LRRC20: variants seen among roughly 807,000 people sequenced by gnomAD.
LRRC20 encodes leucine rich repeat containing 20.
LRRC20 carries 11 observed loss-of-function variants against 14.4 expected under a neutral mutation model. The ratio of observed to expected loss-of-function variants is 0.77; its 90% CI spans 0.48 to 1.27. The LOEUF is 1.27. Among genes scored for constraint, LRRC20 ranks in the 50% most tolerant of loss-of-function variants. The pLI, the probability that LRRC20 is intolerant of heterozygous loss-of-function variation, is 0.00. For missense variants in LRRC20, 219 were observed against 251.2 expected, an observed-to-expected ratio of 0.87 and a Z score of 0.87; for synonymous variants, 121 against 107.3, an observed-to-expected ratio of 1.13 and a Z score of -0.79.
chr10:70,338,115 G>A (rs1245289635), intron 3 of LRRC20, among the ~76,000 whole-genome samples: 2 of 152,196 alleles, frequency 1.3e-5, no homozygotes, highest in African/African-American at 4.8e-5. Context: ...TGTCCTCCAA[G>A]TCATAGGGAT....
chr10:70,381,188 C>G (rs1253244956), intron 1 of LRRC20, among the ~76,000 whole-genome samples: 2 of 152,192 alleles, frequency 1.3e-5, no homozygotes, highest in African/African-American at 4.8e-5. Context: ...ATGGAAATAC[C>G]ACCTTCCTCA....
At position 70,300,776 on chromosome 10, in the gene LRRC20, C is replaced by T. The variant is rs1398072345; in HGVS notation, c.*578G>A. The stretch of plus-strand genomic sequence containing the variant: ...GCCCATATTCCCACCACAGCTCTCC[C>T]AGGACTCCTAGTTCAGGTTCCCACC... On this transcript the variant is annotated 3_prime_UTR_variant, in exon 5 of 5. Coordinates refer to ENST00000446961, the MANE Select transcript of LRRC20 (RefSeq NM_001278212.2). 9 of 985,582 alleles carry T rather than the reference C, an allele frequency of 9.1e-6. No homozygotes were observed. Among genetic ancestry groups the T allele is most frequent in the Admixed American group, 6.1e-5 (1 of 16,280 alleles). 61.1% of individuals were successfully genotyped at this position (985,582 alleles called of 1,614,324 possible). A position where few individuals can be genotyped will look rare whatever the true frequency, so the allele number is the denominator to read the frequency against.
At chr10:70,349,316 G>C (rs1843202229) in intron 2 of LRRC20, among the ~76,000 whole-genome samples, 3 of 152,244 alleles carry the variant, frequency 2.0e-5, no homozygotes. Flanking sequence ...GGTGGCTCAT[G>C]CCTGTAATCC....
intron 4 of LRRC20, among the ~76,000 whole-genome samples, chr10:70,322,327 T>C (rs1192159720): frequency 6.6e-6 from 1 of 152,186 alleles, no homozygotes; most frequent in Non-Finnish European, 1.5e-5. Flanking sequence ...GCTCAGTTAC[T>C]GCCCCATTTG....
At chr10:70,318,956 A>C (rs1841976364) in intron 4 of LRRC20, among the ~76,000 whole-genome samples, 1 of 151,762 alleles carries the variant, frequency 6.6e-6, no homozygotes, top group Non-Finnish European at 1.5e-5. Flanking sequence ...ACAGGTTCAC[A>C]CTACCACACC....
intron 4 of LRRC20, among the ~76,000 whole-genome samples, chr10:70,304,504 A>T (rs890328373): frequency 9.8e-5 from 12 of 122,938 alleles, no homozygotes; most frequent in African/African-American, 3.4e-4. Context: ...ATATATATAT[A>T]TATTTTACTA....
intron 2 of LRRC20, among the ~76,000 whole-genome samples, chr10:70,369,619 A>C (rs1844185430): frequency 1.3e-5 from 2 of 150,650 alleles, no homozygotes; most frequent in African/African-American, 2.4e-5. Flanking sequence ...AAAAAAAAAA[A>C]AAAAAAAAAA....
intron 2 of LRRC20, among the ~76,000 whole-genome samples, chr10:70,367,613 T>G (rs1844063895): frequency 6.6e-6 from 1 of 152,112 alleles, no homozygotes; most frequent in Non-Finnish European, 1.5e-5. Flanking sequence ...GCTTATTTAC[T>G]CTATCATTCC....
chr10:70,314,704 T>G (rs926348714), intron 4 of LRRC20, among the ~76,000 whole-genome samples: 1 of 152,084 alleles, frequency 6.6e-6, no homozygotes, highest in East Asian at 1.9e-4. Flanking sequence ...CGGTGAAGAT[T>G]AATGAGAGAA....
chr10:70,344,083 C>T (rs1233247887), intron 2 of LRRC20, among the ~76,000 whole-genome samples: 2 of 151,968 alleles, frequency 1.3e-5, no homozygotes, highest in Non-Finnish European at 2.9e-5. Context: ...TGCCTGTAGT[C>T]GCAGATACTT....
chr10:70,347,789 A>G (rs1457842980), intron 2 of LRRC20, among the ~76,000 whole-genome samples: 1 of 149,956 alleles, frequency 6.7e-6, no homozygotes. Flanking sequence ...ACTATACTCC[A>G]GCCTGGGCAA....
At chr10:70,375,238 G>A (rs1042265006) in intron 2 of LRRC20, among the ~76,000 whole-genome samples, 3 of 152,148 alleles carry the variant, frequency 2.0e-5, no homozygotes, top group South Asian at 2.1e-4. Context: ...AATGCCTCTC[G>A]CCTTAGCTAA....
intron 3 of LRRC20, among the ~76,000 whole-genome samples, chr10:70,338,505 G>T (rs1237536088): frequency 6.6e-6 from 1 of 152,178 alleles, no homozygotes; most frequent in Non-Finnish European, 1.5e-5. Flanking sequence ...TTCATGGGGA[G>T]ACCACATTCT....
In LRRC20 at chr10:70,353,027, A is replaced by G. The variant is rs79729252; in HGVS notation, c.83-12325T>C. ...TGCTCCCGTGAGAGGAGCAGGACCA[A>G]CCTAGCTCAGACTCTGGCCTGGCCA... On this transcript the variant is annotated intron_variant, in intron 2 of 4. Coordinates refer to ENST00000446961, the MANE Select transcript of LRRC20 (RefSeq NM_001278212.2). Among the ~76,000 whole-genome samples the G allele has an allele frequency of 4.6e-4, 70 of 152,282 alleles. 1 individual carries two copies. In the East Asian group the frequency reaches 0.012, roughly 25 times the overall value.
intron 4 of LRRC20, among the ~76,000 whole-genome samples, chr10:70,304,027 GT>G (rs911746961): frequency 6.7e-6 from 1 of 149,292 alleles, no homozygotes; most frequent in African/African-American, 2.5e-5. Context: ...TTTCGCCTCA[GT>G]TTTTTTTTTA....
chr10:70,346,818 TA>T (rs1221184824), intron 2 of LRRC20, among the ~76,000 whole-genome samples: 1 of 152,232 alleles, frequency 6.6e-6, no homozygotes, highest in Admixed American at 6.5e-5. Flanking sequence ...TATATTTATA[TA>T]AAACCATTTG....
At chr10:70,360,059 G>T (rs1215262406) in intron 2 of LRRC20, among the ~76,000 whole-genome samples, 1 of 151,712 alleles carries the variant, frequency 6.6e-6, no homozygotes, top group African/African-American at 2.4e-5. Flanking sequence ...GGGATTACAG[G>T]TGCCCACCAC....
chr10:70,376,407 A>G, intron 2 of LRRC20, 45 bp downstream of exon 2: 1 of 1,586,936 alleles, frequency 6.3e-7, no homozygotes, highest in Non-Finnish European at 8.6e-7. Context: ...AGCTGATCTC[A>G]CAACTGCTTC....
intron 3 of LRRC20, among the ~76,000 whole-genome samples, chr10:70,337,183 C>T (rs1351060397): frequency 6.6e-6 from 1 of 152,208 alleles, no homozygotes; most frequent in African/African-American, 2.4e-5. Context: ...CCCACCTCTG[C>T]AAGCACCCAG....
Sources: allele counts gnomAD v4.1 joint callset (sites outside exome capture counted in the v4.1 genomes callset), GRCh38; gene constraint gnomAD v4.1.1; transcripts MANE v1.5; gene names NCBI Gene and HGNC (gene_info 2026-07-23, HGNC 2026-07-21).